RBPJ: variants seen among roughly 807,000 people sequenced by gnomAD.
The protein encoded by RBPJ is recombining binding protein suppressor of hairless.
RBPJ carries 9 observed loss-of-function variants against 67.8 expected under a neutral mutation model. The ratio of observed to expected loss-of-function variants is 0.13; its 90% CI spans 0.08 to 0.23. The LOEUF (loss-of-function observed/expected upper bound fraction) is 0.23, where lower values mean the gene tolerates loss of function less well. RBPJ is among the 10% of genes least tolerant of loss of function. The pLI, the probability that RBPJ is intolerant of heterozygous loss-of-function variation, is 1.00. For synonymous variants in RBPJ, 198 were observed against 203.3 expected, an observed-to-expected ratio of 0.97 and a Z score of 0.22; for missense variants, 305 against 595.6, an observed-to-expected ratio of 0.51 and a Z score of 5.08.
intron 1 of RBPJ, among the ~76,000 whole-genome samples, chr4:26,347,003 AAAAAAT>A (rs1353487166): frequency 3.3e-5 from 5 of 152,192 alleles, no homozygotes; most frequent in Non-Finnish European, 1.5e-5. Context: ...AAAAAAAAAT[AAAAAAT>A]AAAAATAAAA....
intron 1 of RBPJ, among the ~76,000 whole-genome samples, chr4:26,226,165 AAAGG>A (rs1719069663): frequency 6.6e-6 from 1 of 150,450 alleles, no homozygotes; most frequent in Non-Finnish European, 1.5e-5. Flanking sequence ...AAAAAAAAAG[AAAGG>A]AATAAAAATT....
At chr4:26,220,690 A>AT (rs111299496) in intron 1 of RBPJ, among the ~76,000 whole-genome samples, 15,026 of 152,238 alleles carry the variant, frequency 0.099, 1,216 homozygotes, top group African/African-American at 0.22. Context: ...CCATTATGTC[A>AT]CAGAGCCTCC....
At position 26,388,604 on chromosome 4, in the gene RBPJ, ACT is replaced by A. The variant is rs60945391; in HGVS notation, c.59+2235_59+2236del. Among the ~76,000 whole-genome samples, 1,271 of 150,134 alleles carry A rather than the reference ACT, an allele frequency of 8.5e-3. 10 individuals are homozygous for A. The highest frequency in any genetic ancestry group is 0.013 in the Non-Finnish European group (878 of 67,338). ...TAGAGACATAGAAGATTACACACAC[ACT>A]CTCTCTCTCTCTCTCTCTCTCAAAT... On this transcript the variant is annotated intron_variant, in intron 2 of 10. Coordinates refer to ENST00000355476, the MANE Select transcript of RBPJ (RefSeq NM_015874.6).
upstream of RBPJ, among the ~76,000 whole-genome samples, chr4:26,319,451 C>T (rs1417657142): frequency 6.6e-6 from 1 of 151,276 alleles, no homozygotes; most frequent in Non-Finnish European, 1.5e-5. Flanking sequence ...CCCGCCTCCG[C>T]GGCAAGCCGC....
At chr4:26,147,651 C>T in the RBPJ span, among the ~76,000 whole-genome samples, 37 of 152,276 alleles carry the variant, frequency 2.4e-4, no homozygotes, top group East Asian at 6.4e-3. Context: ...GACAGTGTCT[C>T]GCTCTGTCGC....
At chr4:26,148,468 A>C in the RBPJ span, among the ~76,000 whole-genome samples, 1 of 152,236 alleles carries the variant, frequency 6.6e-6, no homozygotes, top group Non-Finnish European at 1.5e-5. Flanking sequence ...GATTCAAGAC[A>C]GACTTCAAAG....
At position 26,424,572 on chromosome 4, in the gene RBPJ, C is replaced by G; in HGVS notation, c.635-59C>G. ...GGATATATTAAGTTTTGTCATTTGC[C>G]TAATCATAAAATAAATTTAAAAAGA... On this transcript the variant is annotated intron_variant, in intron 6 of 10. Transcript: ENST00000355476. This position sits in a 1 kb window ranked among gnomAD's most constrained non-coding sequence, Gnocchi z 5.3. The G allele has an allele frequency of 6.4e-7, 1 of 1,557,800 alleles. No individual in the cohort carries two copies. The highest frequency in any genetic ancestry group is 8.8e-7 in the Non-Finnish European group (1 of 1,136,688).
At chr4:26,224,319 T>C (rs907059990) in intron 1 of RBPJ, among the ~76,000 whole-genome samples, 1 of 152,174 alleles carries the variant, frequency 6.6e-6, no homozygotes, top group African/African-American at 2.4e-5. Context: ...AACCTCTGCC[T>C]CCCAGGTTCA....
At chr4:26,324,066 C>T (rs1252312102) in intron 1 of RBPJ, among the ~76,000 whole-genome samples, 2 of 152,108 alleles carry the variant, frequency 1.3e-5, no homozygotes, top group African/African-American at 4.8e-5. Flanking sequence ...AGTTTCCTAA[C>T]TATGTAGTAA....
intron 4 of RBPJ, among the ~76,000 whole-genome samples, chr4:26,416,094 A>G (rs991484770): frequency 1.2e-4 from 18 of 152,218 alleles, no homozygotes; most frequent in Admixed American, 2.0e-4. Flanking sequence ...TTTACTTGAC[A>G]TCAGAGTGAA....
chr4:26,203,447 T>A (rs1383281163), intron 1 of RBPJ, among the ~76,000 whole-genome samples: 1 of 152,212 alleles, frequency 6.6e-6, no homozygotes, highest in Non-Finnish European at 1.5e-5. Context: ...CTCTGTCCCT[T>A]TGCCAGCTTT....
intron 4 of RBPJ, among the ~76,000 whole-genome samples, chr4:26,415,988 A>T (rs997871423): frequency 2.6e-5 from 4 of 152,080 alleles, no homozygotes; most frequent in Non-Finnish European, 5.9e-5. Context: ...TTGTTCAGTA[A>T]TGTTTTACTC....
the RBPJ span, among the ~76,000 whole-genome samples, chr4:26,109,546 C>A: frequency 2.3e-5 from 2 of 86,618 alleles, 1 homozygote; most frequent in Non-Finnish European, 4.5e-5. Context: ...AGCCACTGTG[C>A]CTGTCCACCT....
intron 1 of RBPJ, among the ~76,000 whole-genome samples, chr4:26,306,710 A>G (rs1049678997): frequency 1.3e-5 from 2 of 151,768 alleles, no homozygotes; most frequent in Non-Finnish European, 2.9e-5. Flanking sequence ...CAGCCTCCCA[A>G]AGTGCTGGGA....
Position 26,434,329 on chromosome 4 carries a change from A to G in RBPJ, c.*3322A>G, listed in dbSNP as rs552728865. ...TCTGTGCTTTCACAAAAAACTTCCAATGCCATTTTTGAGAACTAACCTAAC... is the reference window on the plus strand; with the variant it reads ...TCTGTGCTTTCACAAAAAACTTCCAGTGCCATTTTTGAGAACTAACCTAAC... On this transcript the variant is annotated 3_prime_UTR_variant, in exon 11 of 11. Coordinates refer to ENST00000355476, the MANE Select transcript of RBPJ (RefSeq NM_015874.6). 6.6e-6 allele frequency: 1 copy of G among 152,326 alleles called. No homozygotes were observed. The highest frequency in any genetic ancestry group is 2.1e-4 in the South Asian group (1 of 4,824). 9.4% of individuals were successfully genotyped at this position (152,326 alleles called of 1,614,324 possible). A position where few individuals can be genotyped will look rare whatever the true frequency, so the allele number is the denominator to read the frequency against.
chr4:26,354,122 G>A (rs1273156826), intron 1 of RBPJ, among the ~76,000 whole-genome samples: 1 of 151,434 alleles, frequency 6.6e-6, no homozygotes, highest in East Asian at 2.0e-4. Flanking sequence ...TAGTAGAGAC[G>A]GGGTTTCACC....
intron 1 of RBPJ, among the ~76,000 whole-genome samples, chr4:26,365,290 A>G (rs1242980009): frequency 3.3e-5 from 5 of 152,068 alleles, no homozygotes; most frequent in Non-Finnish European, 7.3e-5. Context: ...AGCCATCACT[A>G]TTTGACTGAT....
chr4:26,173,521 T>C (rs1716680878), intron 1 of RBPJ, among the ~76,000 whole-genome samples: 2 of 152,174 alleles, frequency 1.3e-5, no homozygotes, highest in Non-Finnish European at 2.9e-5. Flanking sequence ...TGGAGAAAGC[T>C]GAAAACCAAC....
chr4:26,405,297 C>T (rs1733279393), intron 2 of RBPJ, among the ~76,000 whole-genome samples: 1 of 152,116 alleles, frequency 6.6e-6, no homozygotes, highest in Non-Finnish European at 1.5e-5. Flanking sequence ...GCTCTTATAC[C>T]TGATATTTGT....
Sources: gnomAD v4.1 joint callset for allele counts (sites outside exome capture counted in the v4.1 genomes callset) on GRCh38, gnomAD v4.1.1 for gene constraint, Gnocchi (gnomAD v3.1) non-coding constraint, MANE v1.5 for transcripts, NCBI Gene and HGNC (gene_info 2026-07-23, HGNC 2026-07-21) for gene names.